LDLRAD4: variants seen among roughly 807,000 people sequenced by gnomAD.
LDLRAD4 encodes low-density lipoprotein receptor class A domain-containing protein 4.
Under a neutral mutation model 17.0 loss-of-function variants are expected in LDLRAD4, and 5 were observed. The ratio of observed to expected loss-of-function variants is 0.29; its 90% confidence interval spans 0.15 to 0.62. The LOEUF (loss-of-function observed/expected upper bound fraction) is 0.62, where lower values mean the gene tolerates loss of function less well. LDLRAD4 is among the 20% of genes least tolerant of loss of function. The pLI, the probability that LDLRAD4 is intolerant of heterozygous loss-of-function variation, is 0.84. For missense variants in LDLRAD4, 340 were observed against 424.7 expected (o/e 0.80, Z 1.75); for synonymous variants, 168 against 171.8 (o/e 0.98, Z 0.17).
At chr18:13,453,885 G>A (rs907803007) in intron 3 of LDLRAD4, among the ~76,000 whole-genome samples, 9 of 152,234 alleles carry the variant, frequency 5.9e-5, no homozygotes, top group East Asian at 3.8e-4. Context: ...ACCTCGTGGC[G>A]CCTTGATGGA....
At chr18:13,512,502 A>G (rs1200695838) in intron 3 of LDLRAD4, among the ~76,000 whole-genome samples, 3 of 152,182 alleles carry the variant, frequency 2.0e-5, no homozygotes, top group Non-Finnish European at 4.4e-5. Context: ...TTTTGGACAT[A>G]TATTATGTTC....
At chr18:13,225,504 C>A (rs1187093776) in intron 1 of LDLRAD4, among the ~76,000 whole-genome samples, 1 of 152,222 alleles carries the variant, frequency 6.6e-6, no homozygotes, top group African/African-American at 2.4e-5. Context: ...GAGGTGAAGA[C>A]CTCTAGAGAG....
intron 2 of LDLRAD4, among the ~76,000 whole-genome samples, chr18:13,419,014 A>G (rs1204969834): frequency 6.6e-6 from 1 of 152,222 alleles, no homozygotes; most frequent in East Asian, 1.9e-4. Flanking sequence ...CAATGATGAA[A>G]ACTTGCGGTG....
At chr18:13,399,567 C>G (rs111729926) in intron 2 of LDLRAD4, among the ~76,000 whole-genome samples, 1 of 152,220 alleles carries the variant, frequency 6.6e-6, no homozygotes, top group Non-Finnish European at 1.5e-5. Context: ...TGTTAGCCAT[C>G]GACTCACTTT....
intron 3 of LDLRAD4, among the ~76,000 whole-genome samples, chr18:13,523,537 C>G (rs566373216): frequency 6.6e-6 from 1 of 152,186 alleles, no homozygotes; most frequent in Non-Finnish European, 1.5e-5. Context: ...GAGCCTGACC[C>G]AGGCTGACGG....
intron 3 of LDLRAD4, among the ~76,000 whole-genome samples, chr18:13,474,841 A>C (rs1417667143): frequency 2.0e-5 from 3 of 152,234 alleles, no homozygotes; most frequent in Non-Finnish European, 4.4e-5. Context: ...GAGAGGACTC[A>C]GGCTGACCCA....
chr18:13,305,076 T>C (rs1248533253), intron 1 of LDLRAD4, among the ~76,000 whole-genome samples: 1 of 152,180 alleles, frequency 6.6e-6, no homozygotes, highest in Non-Finnish European at 1.5e-5. Context: ...AACTTGCATA[T>C]GAATCTCGTA....
intron 2 of LDLRAD4, among the ~76,000 whole-genome samples, chr18:13,395,368 C>G (rs2086570350): frequency 7.4e-6 from 1 of 134,764 alleles, no homozygotes; most frequent in African/African-American, 2.9e-5. Context: ...ACTTCTGTCC[C>G]AGGAGTGTAC....
At position 13,440,568 on chromosome 18, in the gene LDLRAD4, G is replaced by A. The variant is rs567815083; in HGVS notation, c.181+2184G>A. 1.3e-5 allele frequency among the ~76,000 whole-genome samples: 2 copies of A among 152,170 alleles called. No individual in the cohort carries two copies. Among genetic ancestry groups the A allele is most frequent in the Non-Finnish European group, 2.9e-5 (2 of 68,018 alleles). On this transcript the variant is annotated intron_variant, in intron 3 of 5. Transcript: ENST00000359446. This position sits in a 1 kb window ranked among gnomAD's most constrained non-coding sequence, Gnocchi z 4.4. ...TAAGAAGACTGGAGAGCCAGGAGAC[G>A]GAATGACAAAGGGCAGGACTGTGGC...
intron 2 of LDLRAD4, among the ~76,000 whole-genome samples, chr18:13,395,731 C>T (rs1275170779): frequency 4.9e-4 from 9 of 18,460 alleles, no homozygotes; most frequent in South Asian, 3.6e-3. Context: ...GGCGTGGGGG[C>T]GGAAGTTGGC....
chr18:13,339,458 C>G (rs1450510832), intron 1 of LDLRAD4, among the ~76,000 whole-genome samples: 1 of 152,116 alleles, frequency 6.6e-6, no homozygotes, highest in Non-Finnish European at 1.5e-5. Context: ...GCCTTGGCCT[C>G]CCAAAGTGCT....
At chr18:13,372,153 A>G (rs964882969) in intron 1 of LDLRAD4, among the ~76,000 whole-genome samples, 7 of 152,234 alleles carry the variant, frequency 4.6e-5, no homozygotes, top group African/African-American at 9.6e-5. Context: ...TTCACCAAGC[A>G]CTGCCGTGTG....
At chr18:13,634,591 C>T (rs1200616422) in intron 4 of LDLRAD4, among the ~76,000 whole-genome samples, 1 of 152,092 alleles carries the variant, frequency 6.6e-6, no homozygotes, top group African/African-American at 2.4e-5. Flanking sequence ...GGAAAGATAT[C>T]TTGTATTCAT....
intron 3 of LDLRAD4, among the ~76,000 whole-genome samples, chr18:13,579,745 CTG>C (rs1324023547): frequency 6.6e-6 from 1 of 152,188 alleles, no homozygotes; most frequent in African/African-American, 2.4e-5. Context: ...ATTAAAGAGA[CTG>C]TTGCAAGTTA....
chr18:13,499,392 C>T (rs1177625671), intron 3 of LDLRAD4, among the ~76,000 whole-genome samples: 1 of 146,670 alleles, frequency 6.8e-6, no homozygotes, highest in Non-Finnish European at 1.5e-5. Context: ...TCTCGCCACA[C>T]ACTTCCCACC....
intron 1 of LDLRAD4, among the ~76,000 whole-genome samples, chr18:13,372,129 G>C (rs192032837): frequency 6.6e-6 from 1 of 152,334 alleles, no homozygotes; most frequent in Admixed American, 6.5e-5. Context: ...CATCACACTT[G>C]ATCTATTGTC....
chr18:13,371,056 C>T lies in LDLRAD4; in HGVS notation c.-382-16285C>T, dbSNP rs1038226817. Among the ~76,000 whole-genome samples the T allele has an allele frequency of 2.6e-5, 4 of 152,278 alleles. No homozygotes were observed. In the South Asian group the frequency reaches 6.2e-4, roughly 24 times the overall value. On this transcript the variant is annotated intron_variant, in intron 1 of 5. Coordinates refer to ENST00000359446, the Ensembl canonical transcript of LDLRAD4. ...ACCTTTTCTCACCGGAAAACATTGCCAGAATTTTCAGACTAAGCTGTGGCT... is the reference window on the plus strand; with the variant it reads ...ACCTTTTCTCACCGGAAAACATTGCTAGAATTTTCAGACTAAGCTGTGGCT...
intron 1 of LDLRAD4, among the ~76,000 whole-genome samples, chr18:13,321,459 C>G (rs2081215890): frequency 6.6e-6 from 1 of 152,188 alleles, no homozygotes. Flanking sequence ...GTTTACAGCT[C>G]TGAATTATTT....
chr18:13,624,623 G>A (rs1198310567), intron 4 of LDLRAD4, among the ~76,000 whole-genome samples: 1 of 152,220 alleles, frequency 6.6e-6, no homozygotes, highest in Non-Finnish European at 1.5e-5. Context: ...ATGAGGACCT[G>A]TGTCTCCTCC....
Sources: gnomAD v4.1 joint callset for allele counts (sites outside exome capture counted in the v4.1 genomes callset) on GRCh38, gnomAD v4.1.1 for gene constraint, Gnocchi (gnomAD v3.1) non-coding constraint, MANE v1.5 for transcripts, NCBI Gene and HGNC (gene_info 2026-07-23, HGNC 2026-07-21) for gene names.